DUOX2: variants seen among roughly 807,000 people sequenced by gnomAD.
DUOX2 encodes NADH/NADPH thyroid oxidase p138-tox.
Under a neutral mutation model 183.3 loss-of-function variants are expected in DUOX2, and 185 were observed. The ratio of observed to expected loss-of-function variants is 1.01; its 90% CI spans 0.90 to 1.14. DUOX2 has a LOEUF of 1.14. DUOX2 is among the 50% of genes most tolerant of loss of function. The probability of loss-of-function intolerance (pLI) is 0.00; values close to 1 mark genes in which losing one functional copy is unlikely to be tolerated. For missense variants in DUOX2, 1,999 were observed against 2,022.9 expected, an observed-to-expected ratio of 0.99 and a Z score of 0.23; for synonymous variants, 788 against 812.4, an observed-to-expected ratio of 0.97 and a Z score of 0.51.
rs764750904 is a variant in DUOX2, at chr15:45,105,822, G to T, written c.2155C>A (p.Leu719Met). The change falls in exon 18 of 34, where the codon CTG becomes ATG. Residue 719 changes from leucine (L) to methionine (M), a missense_variant. Around this residue, in one of 3 missense-constraint regions of DUOX2, gnomAD observed 1,628 missense variants for 1,608.6 expected, o/e 1.01. Transcript: ENST00000389039. Reference protein sequence around the residue: ...KIPKEYDLVLLFSSEEERGAF... With the variant: ...KIPKEYDLVLMFSSEEERGAF... ...CCCCGTTCCTCTTCAGAACTAAACA[G>T]CAGCACCTGGGTGGGAGGAAGGCGG... The T allele has an allele frequency of 1.2e-6, 2 of 1,614,104 alleles. No individual in the cohort carries two copies. Among genetic ancestry groups the T allele is most frequent in the Admixed American group, 3.3e-5 (2 of 60,034 alleles).
chr15:45,099,823 C>T lies in DUOX2; in HGVS notation c.3254G>A (p.Gly1085Asp). 6.2e-7 allele frequency: 1 copy of T among 1,614,196 alleles called. No homozygotes were observed. The highest frequency in any genetic ancestry group is 1.6e-4 in the Middle Eastern group (1 of 6,062). The change falls in exon 25 of 34, where the codon GGC (glycine) becomes GAC (aspartate). Residue 1085 changes from glycine to aspartate, a missense_variant. Around this residue, in one of 3 missense-constraint regions of DUOX2, gnomAD observed 1,628 missense variants for 1,608.6 expected, o/e 1.01. Coordinates refer to ENST00000389039, the MANE Select transcript of DUOX2 (RefSeq NM_001363711.2). ...TTLVGIILSR[G>D]TAASVSFMFS... ...CATGAAGGAGACGCTGGCCGCCGTGCCTCGTGACAGGATGATGCCCACGAG... is the reference window on the plus strand; with the variant it reads ...CATGAAGGAGACGCTGGCCGCCGTGTCTCGTGACAGGATGATGCCCACGAG...
At chr15:45,097,009 A>C (rs1272266265) in intron 29 of DUOX2, among the ~76,000 whole-genome samples, 1 of 152,170 alleles carries the variant, frequency 6.6e-6, no homozygotes, top group East Asian at 1.9e-4. Context: ...ACCTCTTCTC[A>C]GGTCACTTCT....
intron 21 of DUOX2, 168 bp from the exon 22 acceptor site, chr15:45,101,442 G>GTA: frequency 1.4e-6 from 1 of 704,508 alleles, no homozygotes; most frequent in Non-Finnish European, 2.5e-6. Context: ...GGCAGACAAT[G>GTA]TGGCAACTTT....
chr15:45,103,171 A>T (rs1894124087), intron 20 of DUOX2, among the ~76,000 whole-genome samples: 1 of 152,218 alleles, frequency 6.6e-6, no homozygotes, highest in Non-Finnish European at 1.5e-5. Flanking sequence ...CCATATGAGG[A>T]ATGTAGCAGT....
In DUOX2 at chr15:45,108,271, G is replaced by A. The variant is rs767294926; in HGVS notation, c.1399-49C>T. The stretch of plus-strand genomic sequence containing the variant: ...GGTGAGCGTATGTTTGCTGCGGAGG[G>A]CAGCCACTGTTGCCCCATCCCTCGG... On this transcript the variant is annotated intron_variant, in intron 12 of 33. Transcript: ENST00000389039. 141 of 1,604,636 alleles carry A rather than the reference G, an allele frequency of 8.8e-5. No homozygotes were observed. In the African/African-American group the frequency reaches 1.8e-3, roughly 20 times the overall value.
intron 18 of DUOX2, among the ~76,000 whole-genome samples, chr15:45,105,252 G>A (rs1443675355): frequency 1.3e-5 from 2 of 152,178 alleles, no homozygotes; most frequent in Non-Finnish European, 2.9e-5. Context: ...AGATTGCCAG[G>A]CCCCACCCAC....
At chr15:45,100,725 T>C (rs765441740) in intron 23 of DUOX2, 30 bp downstream of exon 23, 56 of 1,601,048 alleles carry the variant, frequency 3.5e-5, no homozygotes, top group Non-Finnish European at 4.4e-5. Context: ...TCCATGTCTC[T>C]TTGGGCCCAG....
intron 8 of DUOX2, 33 bp from the exon 9 acceptor site, chr15:45,110,557 A>G: frequency 6.2e-7 from 1 of 1,613,960 alleles, no homozygotes; most frequent in Non-Finnish European, 8.5e-7. Context: ...ATGGGGAGAC[A>G]GGCTTCTTGC....
rs2141138362 is a variant in DUOX2, at chr15:45,094,074, T to C, written c.*76A>G. The C allele has an allele frequency of 6.2e-7, 1 of 1,608,004 alleles. No individual in the cohort carries two copies. The highest frequency in any genetic ancestry group is 2.2e-5 in the East Asian group (1 of 44,820). On this transcript the variant is annotated 3_prime_UTR_variant, in exon 34 of 34. Transcript: ENST00000389039. ...CTAAGGTGGATTCTGATGGAGAGAT[T>C]GCCAGCAGGGCTGGGCAACTTAGGT...
intron 29 of DUOX2, among the ~76,000 whole-genome samples, chr15:45,096,641 C>T (rs540742281): frequency 3.3e-5 from 5 of 152,306 alleles, no homozygotes; most frequent in African/African-American, 1.2e-4. Flanking sequence ...AAAAGGAGAT[C>T]AGCAAGTGCT....
rs1332668133 is a variant in DUOX2 at position 45,106,955 on chromosome 15, G to A, written c.1708C>T (p.Gln570Ter). Reference sequence around the variant, plus strand: ...CCGTCAGTTGTGAGCTGCTTAGGTTGAGGGCAGGGTGCACCTGAGGGAGAG... The same window carrying A: ...CCGTCAGTTGTGAGCTGCTTAGGTTAAGGGCAGGGTGCACCTGAGGGAGAG... ...FVWHKGAPCP[Q>*]PKQLTTDGLP... Residue 570 changes from glutamine to a stop codon, truncating the protein, a stop_gained, in exon 15 of 34, where the codon CAA (glutamine) becomes TAA (stop). Coordinates refer to ENST00000389039, the MANE Select transcript of DUOX2 (RefSeq NM_001363711.2). LOFTEE classifies it high-confidence loss of function. 10 of 1,577,354 alleles carry A rather than the reference G, an allele frequency of 6.3e-6. No homozygotes were observed. In the East Asian group the frequency reaches 1.8e-4, roughly 29 times the overall value.
rs1011399636 is a variant in DUOX2, at chr15:45,092,871, G to A, written c.*1279C>T. 6.6e-6 allele frequency: 1 copy of A among 152,192 alleles called. No individual in the cohort carries two copies. The highest frequency in any genetic ancestry group is 2.4e-5 in the African/African-American group (1 of 41,434). The allele number at this position is 152,192 out of a possible 1,614,324, so 9.4% of individuals were successfully genotyped here. A position where few individuals can be genotyped will look rare whatever the true frequency, so the allele number is the denominator to read the frequency against. On this transcript the variant is annotated 3_prime_UTR_variant, in exon 34 of 34. Coordinates refer to ENST00000389039, the MANE Select transcript of DUOX2 (RefSeq NM_001363711.2). Reference sequence around the variant, plus strand: ...GGCCAGTCTCAAAAGAGTATATTTAGTAGGACCAAAACTGGATTTGGTAGA... The same window carrying A: ...GGCCAGTCTCAAAAGAGTATATTTAATAGGACCAAAACTGGATTTGGTAGA...
chr15:45,109,991 G>A lies in DUOX2; in HGVS notation c.1041-11C>T, dbSNP rs1461845835. 6.2e-7 allele frequency: 1 copy of A among 1,613,424 alleles called. No individual in the cohort carries two copies. The highest frequency in any genetic ancestry group is 1.7e-5 in the Admixed American group (1 of 60,022). ...TGACAGCTGGCATTTCTGAAATTGA[G>A]AACAAAGGATGTGGTGAGGGAATTT... On this transcript the variant is annotated splice_polypyrimidine_tract_variant and intron_variant, in intron 9 of 33. Coordinates refer to ENST00000389039, the MANE Select transcript of DUOX2 (RefSeq NM_001363711.2).
chr15:45,113,522 G>A, intron 1 of DUOX2, 97 bp from the exon 2 acceptor site: 2 of 959,612 alleles, frequency 2.1e-6, no homozygotes. Flanking sequence ...AGTACTGGAG[G>A]AGGAGCACCA....
chr15:45,098,184 C>G (rs1893959776), intron 26 of DUOX2, 126 bp from the exon 27 acceptor site: 1 of 865,442 alleles, frequency 1.2e-6, no homozygotes, highest in Admixed American at 2.2e-5. Flanking sequence ...ACCCAGTTGG[C>G]CAGGGATCCC....
rs375397350 is a variant in DUOX2, at chr15:45,105,727, G to A, written c.2250C>T (p.Ser750=). The A allele has an allele frequency of 2.2e-5, 35 of 1,614,188 alleles. 1 individual carries two copies. The highest frequency in any genetic ancestry group is 1.6e-4 in the Middle Eastern group (1 of 6,062). ...WALGLHVAEM[S]EKELFRKAVT... ...CAGCCTTCCTAAATAGCTCCTTCTC[G>A]CTCATCTCAGCCACATGGAGGCCCA... Residue 750 remains serine (S), a synonymous_variant, in exon 18 of 34, where the codon AGC becomes AGT. Transcript: ENST00000389039.
intron 17 of DUOX2, 60 bp downstream of exon 17, chr15:45,106,065 G>A (rs1049373121): frequency 2.7e-5 from 43 of 1,591,466 alleles, no homozygotes; most frequent in African/African-American, 5.4e-5. Context: ...GGGTGGCCTC[G>A]CTTGTGATAA....
At position 45,108,892 on chromosome 15, in the gene DUOX2, C is replaced by T. The variant is rs530736554; in HGVS notation, c.1295G>A (p.Arg432His). The change falls in exon 12 of 34, where the codon CGT (arginine) becomes CAT (histidine). Residue 432 changes from arginine (R) to histidine (H), a missense_variant. By Grantham distance (29) the Arg-to-His change is conservative. Coordinates refer to ENST00000389039, the MANE Select transcript of DUOX2 (RefSeq NM_001363711.2). ...RTDYVASSIQRGRDMGLPSYS... is the reference protein window; with the variant it reads ...RTDYVASSIQHGRDMGLPSYS... Reference sequence around the variant, plus strand: ...GCTGGGCAGCCCCATATCTCGGCCACGTTGGATGCTGCTGGCCACATAGTC... The same window carrying T: ...GCTGGGCAGCCCCATATCTCGGCCATGTTGGATGCTGCTGGCCACATAGTC... 3.7e-5 allele frequency: 60 copies of T among 1,614,230 alleles called. No individual in the cohort carries two copies. The East Asian group carries it at 4.0e-4, about 11-fold the overall frequency.
In DUOX2 at chr15:45,094,056, G is replaced by A; in HGVS notation, c.*94C>T. 1.3e-6 allele frequency: 2 copies of A among 1,576,552 alleles called. No individual in the cohort carries two copies. The highest frequency in any genetic ancestry group is 1.7e-6 in the Non-Finnish European group (2 of 1,147,358). ...CAGCCCTCCAGCTGAGGCCTAAGGT[G>A]GATTCTGATGGAGAGATTGCCAGCA... On this transcript the variant is annotated 3_prime_UTR_variant, in exon 34 of 34. Transcript: ENST00000389039.
Sources: gnomAD v4.1 joint callset for allele counts (sites outside exome capture counted in the v4.1 genomes callset) on GRCh38, gnomAD v4.1.1 for gene constraint, gnomAD v4.1.1 regional missense constraint, MANE v1.5 for transcripts, NCBI Gene and HGNC (gene_info 2026-07-23, HGNC 2026-07-21) for gene names.